Variants in TOX3 observed in about 807,000 individuals in gnomAD.
TOX3 encodes the protein CAG trinucleotide repeat-containing gene F9 protein.
A neutral mutation model predicts 64.3 loss-of-function variants in TOX3; 22 were observed. The observed-to-expected ratio is 0.34, with a 90% CI of 0.24 to 0.49. The LOEUF is 0.49. Among genes scored for constraint, TOX3 ranks in the 20% least tolerant of loss-of-function variants. The pLI, the probability that TOX3 is intolerant of heterozygous loss-of-function variation, is 0.99. For synonymous variants in TOX3, 291 were observed against 273.6 expected (o/e 1.06, Z -0.63); for missense variants, 661 against 714.4 (o/e 0.93, Z 0.85).
At chr16:52,464,678 TA>T (rs1286337256) in intron 2 of TOX3, among the ~76,000 whole-genome samples, 1 of 152,252 alleles carries the variant, frequency 6.6e-6, no homozygotes. Flanking sequence ...TTTGCTTTTT[TA>T]ATTTCCTCAT....
intron 6 of TOX3, among the ~76,000 whole-genome samples, chr16:52,443,415 A>G (rs1052471541): frequency 2.0e-5 from 3 of 152,352 alleles, no homozygotes; most frequent in South Asian, 2.1e-4. Context: ...AGATCTTGAT[A>G]CAAATACTTA....
intron 1 of TOX3, among the ~76,000 whole-genome samples, chr16:52,513,824 G>T (rs1962375609): frequency 6.6e-6 from 1 of 152,170 alleles, no homozygotes; most frequent in African/African-American, 2.4e-5. Context: ...CTTATGATTT[G>T]TGCATTTTAT....
intron 1 of TOX3, among the ~76,000 whole-genome samples, chr16:52,535,991 T>G (rs1253263857): frequency 6.6e-6 from 1 of 152,246 alleles, no homozygotes; most frequent in East Asian, 1.9e-4. Context: ...TGACCCATAC[T>G]ATGTCAACAC....
At chr16:52,500,916 T>G (rs1961983412) in intron 1 of TOX3, among the ~76,000 whole-genome samples, 1 of 152,246 alleles carries the variant, frequency 6.6e-6, no homozygotes, top group Non-Finnish European at 1.5e-5. Flanking sequence ...CAAGAAAGTC[T>G]GGACTTGAAC....
At chr16:52,533,307 A>C (rs956999481) in intron 1 of TOX3, among the ~76,000 whole-genome samples, 1 of 152,212 alleles carries the variant, frequency 6.6e-6, no homozygotes, top group Admixed American at 6.5e-5. Flanking sequence ...TTTTATCCAC[A>C]TCCCCATGTG....
intron 2 of TOX3, among the ~76,000 whole-genome samples, chr16:52,467,780 T>C (rs1304367625): frequency 6.6e-6 from 1 of 152,166 alleles, no homozygotes; most frequent in Non-Finnish European, 1.5e-5. Flanking sequence ...AAATCAATAA[T>C]AGGAAATGCA....
At position 52,438,203 on chromosome 16, in the gene TOX3, A is replaced by G. The variant is rs2151735524; in HGVS notation, c.*1022T>C. 1 of 152,768 alleles carries G rather than the reference A, an allele frequency of 6.5e-6. No homozygotes were observed. The highest frequency in any genetic ancestry group is 2.1e-4 in the South Asian group (1 of 4,834). 9.5% of individuals were successfully genotyped at this position (152,768 alleles called of 1,614,324 possible). ...AAGTATAAAACAGCATAAAAACACA[A>G]TAAGCAACGTAGCAATGAATGGTTT... On this transcript the variant is annotated 3_prime_UTR_variant, in exon 7 of 7. Transcript: ENST00000219746.
intron 2 of TOX3, among the ~76,000 whole-genome samples, chr16:52,465,757 C>A (rs1416644716): frequency 6.6e-6 from 1 of 152,022 alleles, no homozygotes; most frequent in Non-Finnish European, 1.5e-5. Flanking sequence ...ACATATAGAA[C>A]CTGTCAAATG....
At chr16:52,463,440 T>C (rs894257070) in intron 3 of TOX3, among the ~76,000 whole-genome samples, 1 of 152,250 alleles carries the variant, frequency 6.6e-6, no homozygotes, top group Non-Finnish European at 1.5e-5. Flanking sequence ...ACTTGTTCTA[T>C]ATTTTTCTCT....
At chr16:52,510,770 A>C (rs1428206491) in intron 1 of TOX3, among the ~76,000 whole-genome samples, 1 of 146,912 alleles carries the variant, frequency 6.8e-6, no homozygotes, top group Non-Finnish European at 1.5e-5. Flanking sequence ...AAAAAAAAAA[A>C]AAAAAAAAAA....
intron 1 of TOX3, among the ~76,000 whole-genome samples, chr16:52,505,770 A>G (rs976805049): frequency 6.6e-6 from 1 of 152,216 alleles, no homozygotes; most frequent in Admixed American, 6.5e-5. Flanking sequence ...TAAGCCCAGC[A>G]GTTCAAGACC....
chr16:52,535,278 G>A (rs1962924082), intron 1 of TOX3, among the ~76,000 whole-genome samples: 1 of 152,104 alleles, frequency 6.6e-6, no homozygotes, highest in African/African-American at 2.4e-5. Flanking sequence ...GTTTCACTGG[G>A]CACATGGCCA....
At chr16:52,452,916 C>T (rs769299509) in intron 3 of TOX3, among the ~76,000 whole-genome samples, 4 of 152,160 alleles carry the variant, frequency 2.6e-5, no homozygotes, top group Non-Finnish European at 5.9e-5. Flanking sequence ...TGTTCTCCTT[C>T]GTTGTTCCTA....
intron 3 of TOX3, among the ~76,000 whole-genome samples, chr16:52,452,052 C>A (rs368982321): frequency 6.6e-6 from 1 of 151,424 alleles, no homozygotes; most frequent in Non-Finnish European, 1.5e-5. Context: ...TTGCCCCAGG[C>A]GGGGCAAAAC....
intron 1 of TOX3, among the ~76,000 whole-genome samples, chr16:52,537,164 T>C (rs974933298): frequency 6.6e-6 from 1 of 152,100 alleles, no homozygotes; most frequent in East Asian, 1.9e-4. Flanking sequence ...TATACACACA[T>C]ATATGTATGT....
At chr16:52,527,431 G>A (rs1264899851) in intron 1 of TOX3, among the ~76,000 whole-genome samples, 1 of 152,142 alleles carries the variant, frequency 6.6e-6, no homozygotes, top group Non-Finnish European at 1.5e-5. Context: ...CCCAATTCAG[G>A]CAAGTCCCCT....
intron 1 of TOX3, chr16:52,519,561 T>C: frequency 6.7e-7 from 1 of 1,499,162 alleles, no homozygotes; most frequent in Non-Finnish European, 8.9e-7. Flanking sequence ...TGGGGTTCAG[T>C]GAGAGAAATG....
Position 52,545,995 on chromosome 16 carries a change from A to C in TOX3, c.87+642T>G, listed in dbSNP as rs1335337006. Among the ~76,000 whole-genome samples, 5 of 152,200 alleles carry C rather than the reference A, an allele frequency of 3.3e-5. 1 individual carries two copies. The highest frequency in any genetic ancestry group is 4.1e-4 in the South Asian group (2 of 4,824). On this transcript the variant is annotated intron_variant, in intron 1 of 6. Coordinates refer to ENST00000219746, the MANE Select transcript of TOX3 (RefSeq NM_001080430.4). ...CCGAAATGCAAAACTTAGCCCCCCCAAAAAAATGAGAGGAAAGAAGCCACT... is the reference window on the plus strand; with the variant it reads ...CCGAAATGCAAAACTTAGCCCCCCCCAAAAAATGAGAGGAAAGAAGCCACT...
intron 1 of TOX3, among the ~76,000 whole-genome samples, chr16:52,536,615 A>T (rs1187294033): frequency 8.3e-6 from 1 of 119,794 alleles, no homozygotes; most frequent in African/African-American, 3.2e-5. Flanking sequence ...TTTCTACTGA[A>T]ATAGATATAC....
Sources: allele counts gnomAD v4.1 joint callset (sites outside exome capture counted in the v4.1 genomes callset), GRCh38; gene constraint gnomAD v4.1.1; transcripts MANE v1.5; gene names NCBI Gene and HGNC (gene_info 2026-07-23, HGNC 2026-07-21).